PPM1H: variants seen among roughly 807,000 people sequenced by gnomAD.
PPM1H encodes protein phosphatase 1H.
Under a neutral mutation model 54.9 loss-of-function variants are expected in PPM1H, and 27 were observed. The observed-to-expected ratio is 0.49, with a 90% CI of 0.36 to 0.68. The LOEUF (loss-of-function observed/expected upper bound fraction) is 0.68, where lower values mean the gene tolerates loss of function less well. Among genes scored for constraint, PPM1H ranks in the 30% least tolerant of loss-of-function variants. PPM1H has a pLI of 0.00. For synonymous variants in PPM1H, 305 were observed against 270.8 expected (o/e 1.13, Z -1.24); for missense variants, 596 against 667.8 (o/e 0.89, Z 1.19).
chr12:62,789,106 C>T (rs968456157), intron 3 of PPM1H, among the ~76,000 whole-genome samples: 2 of 152,168 alleles, frequency 1.3e-5, no homozygotes, highest in African/African-American at 2.4e-5. Context: ...GCCTTGACCT[C>T]CTGGGCTCAA....
At chr12:62,781,064 G>A (rs1592595814) in intron 4 of PPM1H, among the ~76,000 whole-genome samples, 1 of 152,140 alleles carries the variant, frequency 6.6e-6, no homozygotes, top group Non-Finnish European at 1.5e-5. Context: ...CTTTCCCAGG[G>A]GCCCAACAAT....
chr12:62,672,990 C>T (rs2075965007), intron 8 of PPM1H, among the ~76,000 whole-genome samples: 3 of 152,172 alleles, frequency 2.0e-5, no homozygotes, highest in Admixed American at 6.5e-5. Flanking sequence ...CCTCATTTCA[C>T]GGTGATCCAA....
At chr12:62,686,359 T>C (rs765592559) in intron 8 of PPM1H, among the ~76,000 whole-genome samples, 2 of 152,226 alleles carry the variant, frequency 1.3e-5, no homozygotes, top group Non-Finnish European at 2.9e-5. Flanking sequence ...GTTTTTACTT[T>C]GCTTTAAGGA....
At chr12:62,778,079 T>C (rs567024583) in intron 4 of PPM1H, among the ~76,000 whole-genome samples, 3 of 152,288 alleles carry the variant, frequency 2.0e-5, no homozygotes, top group African/African-American at 7.2e-5. Context: ...TTACTGCATC[T>C]CTCCTAAAAC....
At chr12:62,729,987 G>A (rs1438658167) in intron 5 of PPM1H, among the ~76,000 whole-genome samples, 1 of 152,018 alleles carries the variant, frequency 6.6e-6, no homozygotes, top group Non-Finnish European at 1.5e-5. Context: ...CTTAACTGAT[G>A]ACATGGTCTT....
intron 2 of PPM1H, among the ~76,000 whole-genome samples, chr12:62,818,670 G>C (rs2076884524): frequency 6.6e-6 from 1 of 152,132 alleles, no homozygotes; most frequent in South Asian, 2.1e-4. Context: ...CTATTTGCCA[G>C]ACTGTGGGCT....
chr12:62,812,528 A>G (rs2076841837), intron 2 of PPM1H, among the ~76,000 whole-genome samples: 1 of 152,126 alleles, frequency 6.6e-6, no homozygotes, highest in Admixed American at 6.5e-5. Context: ...TGCACTCTAA[A>G]TTATTTCATT....
intron 4 of PPM1H, among the ~76,000 whole-genome samples, chr12:62,764,636 C>T (rs1195113593): frequency 6.6e-6 from 1 of 152,152 alleles, no homozygotes; most frequent in Admixed American, 6.5e-5. Flanking sequence ...TCCTCGAGCA[C>T]CTCCTACTTC....
intron 1 of PPM1H, among the ~76,000 whole-genome samples, chr12:62,884,339 A>G (rs1592653699): frequency 2.8e-5 from 1 of 35,358 alleles, no homozygotes; most frequent in Non-Finnish European, 4.9e-5. Flanking sequence ...CACCAAAATG[A>G]AAAAAAAAAA....
chr12:62,790,073 C>T (rs1188874211), intron 3 of PPM1H, among the ~76,000 whole-genome samples: 1 of 152,126 alleles, frequency 6.6e-6, no homozygotes, highest in Non-Finnish European at 1.5e-5. Context: ...TAGGGTCAGG[C>T]CACTATTGTA....
Position 62,722,930 on chromosome 12 carries a change from G to A in PPM1H, c.955-2641C>T, listed in dbSNP as rs180971009. 3.3e-3 allele frequency among the ~76,000 whole-genome samples: 501 copies of A among 152,294 alleles called. 2 individuals are homozygous for A. The highest frequency in any genetic ancestry group is 0.027 in the Middle Eastern group (8 of 294). On this transcript the variant is annotated intron_variant, in intron 5 of 9. Transcript: ENST00000228705. Reference sequence around the variant, plus strand: ...AGAAGACATACATACGTACACAGATGCTCCTCTGCTTACAGTGGGGTTACA... The same window carrying A: ...AGAAGACATACATACGTACACAGATACTCCTCTGCTTACAGTGGGGTTACA...
At chr12:62,677,555 G>T (rs2075994837) in intron 8 of PPM1H, among the ~76,000 whole-genome samples, 1 of 152,204 alleles carries the variant, frequency 6.6e-6, no homozygotes, top group South Asian at 2.1e-4. Flanking sequence ...AGCCGTGCTG[G>T]GGTGCCAAAG....
At chr12:62,823,016 A>T (rs1335651869) in intron 2 of PPM1H, among the ~76,000 whole-genome samples, 1 of 152,212 alleles carries the variant, frequency 6.6e-6, no homozygotes, top group Non-Finnish European at 1.5e-5. Flanking sequence ...ATAAAAAAGA[A>T]AAGAGAGAAG....
At chr12:62,747,501 G>A (rs2076419861) in intron 4 of PPM1H, among the ~76,000 whole-genome samples, 2 of 152,318 alleles carry the variant, frequency 1.3e-5, no homozygotes, top group South Asian at 2.1e-4. Flanking sequence ...GCCTCCGAAA[G>A]TGTTGGGATG....
chr12:62,805,578 C>T (rs981028441), intron 2 of PPM1H, among the ~76,000 whole-genome samples: 1 of 152,138 alleles, frequency 6.6e-6, no homozygotes, highest in Non-Finnish European at 1.5e-5. Context: ...GGGCATTATG[C>T]TAAGTGAAAT....
chr12:62,780,272 A>C (rs771722857), intron 4 of PPM1H, among the ~76,000 whole-genome samples: 1 of 152,194 alleles, frequency 6.6e-6, no homozygotes, highest in Non-Finnish European at 1.5e-5. Context: ...AATGTGAACC[A>C]TTGATAAGCT....
intron 6 of PPM1H, among the ~76,000 whole-genome samples, chr12:62,698,587 A>G (rs780928239): frequency 6.6e-6 from 1 of 152,138 alleles, no homozygotes; most frequent in Non-Finnish European, 1.5e-5. Context: ...AGTGTCCTCA[A>G]AAAATGGTAC....
At chr12:62,843,005 A>G (rs1032454403) in intron 1 of PPM1H, among the ~76,000 whole-genome samples, 1 of 152,158 alleles carries the variant, frequency 6.6e-6, no homozygotes, top group Non-Finnish European at 1.5e-5. Flanking sequence ...TGACTGTTGT[A>G]AAAAAAGAAA....
intron 2 of PPM1H, among the ~76,000 whole-genome samples, chr12:62,805,624 C>G (rs1208800874): frequency 6.6e-6 from 1 of 152,138 alleles, no homozygotes; most frequent in Non-Finnish European, 1.5e-5. Context: ...CACTTGATCT[C>G]ATATGTGGAA....
Sources: allele counts gnomAD v4.1 joint callset (sites outside exome capture counted in the v4.1 genomes callset), GRCh38; gene constraint gnomAD v4.1.1; transcripts MANE v1.5; gene names NCBI Gene and HGNC (gene_info 2026-07-23, HGNC 2026-07-21).